Variants in COMMD6 observed in about 807,000 individuals in gnomAD.
COMMD6 encodes the protein COMM domain containing 6.
COMMD6 carries 11 observed loss-of-function variants against 13.4 expected under a neutral mutation model. The ratio of observed to expected loss-of-function variants is 0.82; its 90% CI spans 0.52 to 1.36. COMMD6 has a LOEUF of 1.36. Among genes scored for constraint, COMMD6 ranks in the 40% most tolerant of loss-of-function variants. The pLI, the probability that COMMD6 is intolerant of heterozygous loss-of-function variation, is 0.00. For missense variants in COMMD6, 124 were observed against 102.4 expected (o/e 1.21, Z -0.91); for synonymous variants, 43 against 36.5 (o/e 1.18, Z -0.64).
upstream of COMMD6, among the ~76,000 whole-genome samples, chr13:75,540,215 C>A (rs979968477): frequency 7.2e-5 from 11 of 151,916 alleles, no homozygotes; most frequent in Non-Finnish European, 1.3e-4. Flanking sequence ...AGGCAATCTG[C>A]CCGCCTCAGC....
upstream of COMMD6, among the ~76,000 whole-genome samples, chr13:75,539,969 CTTT>C (rs34796430): frequency 3.0e-4 from 34 of 113,756 alleles, no homozygotes; most frequent in East Asian, 2.7e-4. Context: ...GCAAGGAAAT[CTTT>C]TTTTTTTTTT....
chr13:75,547,368 T>C (rs1482097274), intron 1 of COMMD6, among the ~76,000 whole-genome samples: 1 of 152,138 alleles, frequency 6.6e-6, no homozygotes, highest in African/African-American at 2.4e-5. Flanking sequence ...ACTTTGTGAG[T>C]ATAGATTTGG....
At chr13:75,533,031 C>A (rs9543962) in intron 2 of COMMD6, among the ~76,000 whole-genome samples, 4 of 150,950 alleles carry the variant, frequency 2.6e-5, no homozygotes, top group Non-Finnish European at 5.9e-5. Context: ...CCCGGGTTCA[C>A]GCCATTCTCC....
chr13:75,540,164 T>C (rs1348986421), upstream of COMMD6, among the ~76,000 whole-genome samples: 2 of 151,718 alleles, frequency 1.3e-5, no homozygotes, highest in African/African-American at 4.8e-5. Context: ...AGAGATGGGG[T>C]TTCAACGTGT....
chr13:75,549,005 T>C (rs977501501), intron 1 of COMMD6, among the ~76,000 whole-genome samples: 4 of 152,170 alleles, frequency 2.6e-5, no homozygotes, highest in Admixed American at 2.6e-4. Flanking sequence ...CTACCATCTT[T>C]TAAGGGTTCA....
intron 1 of COMMD6, among the ~76,000 whole-genome samples, chr13:75,544,858 G>A (rs1404950572): frequency 4.7e-5 from 7 of 148,086 alleles, no homozygotes; most frequent in East Asian, 2.0e-4. Context: ...CCTGGGAGGC[G>A]GAGGTTGCCA....
chr13:75,533,280 A>G (rs1015336727), intron 2 of COMMD6, among the ~76,000 whole-genome samples: 1 of 151,640 alleles, frequency 6.6e-6, no homozygotes, highest in Non-Finnish European at 1.5e-5. Context: ...ATTAATGGAT[A>G]TTCAGGCTGG....
At chr13:75,537,451 T>A in intron 2 of COMMD6, 1 of 1,551,518 alleles carries the variant, frequency 6.4e-7, no homozygotes, top group Non-Finnish European at 8.7e-7. Context: ...TTCTTCGGGC[T>A]AGTGCAGGGT....
intron 1 of COMMD6, among the ~76,000 whole-genome samples, chr13:75,547,854 G>C (rs1466366595): frequency 2.0e-5 from 3 of 152,204 alleles, no homozygotes; most frequent in African/African-American, 7.2e-5. Context: ...AACCTACTGG[G>C]CCTCTTTGGC....
upstream of COMMD6, among the ~76,000 whole-genome samples, chr13:75,540,344 C>CACACACA (rs1593961926): frequency 3.3e-4 from 49 of 147,380 alleles, no homozygotes; most frequent in Admixed American, 5.4e-4. Context: ...ACACACACAC[C>CACACACA]CACACACACA....
At chr13:75,541,292 G>A (rs192598563), upstream of COMMD6, among the ~76,000 whole-genome samples, 10 of 152,294 alleles carry the variant, frequency 6.6e-5, no homozygotes, top group Non-Finnish European at 1.5e-4. Context: ...TGTAGTGGTA[G>A]CAGCTTCAGG....
upstream of COMMD6, among the ~76,000 whole-genome samples, chr13:75,543,362 A>C (rs1190478163): frequency 1.3e-5 from 2 of 152,218 alleles, no homozygotes; most frequent in African/African-American, 4.8e-5. Flanking sequence ...CTGGAATAGG[A>C]AAGAAAATGG....
intron 1 of COMMD6, among the ~76,000 whole-genome samples, chr13:75,549,019 C>G (rs2030969510): frequency 6.6e-6 from 1 of 152,122 alleles, no homozygotes; most frequent in Non-Finnish European, 1.5e-5. Context: ...GGGTTCAGTC[C>G]AGGAATCCAC....
At chr13:75,544,438 G>A (rs78137064) in intron 1 of COMMD6, among the ~76,000 whole-genome samples, 4,034 of 152,112 alleles carry the variant, frequency 0.027, 65 homozygotes, top group African/African-American at 0.033. Context: ...TTCAACCTTC[G>A]GCTTAAAGGT....
rs1401573524 is a variant in COMMD6 at position 75,528,200 on chromosome 13, G to C, written c.208-1561C>G. ...TTGTCAACTGTACCTCAATAAAGCT[G>C]GGGAAAAAAAGTTAATCCAATTGTG... On this transcript the variant is annotated intron_variant, in intron 3 of 3. Transcript: ENST00000682242. Among the ~76,000 whole-genome samples the C allele has an allele frequency of 3.3e-5, 5 of 151,636 alleles. No individual in the cohort carries two copies. In the South Asian group the frequency reaches 1.0e-3, roughly 32 times the overall value.
chr13:75,546,217 C>G (rs2030902881), intron 1 of COMMD6, among the ~76,000 whole-genome samples: 1 of 152,134 alleles, frequency 6.6e-6, no homozygotes. Context: ...CAAAAAGTTA[C>G]TGGGTATGGA....
At chr13:75,548,006 C>T (rs554731094) in intron 1 of COMMD6, among the ~76,000 whole-genome samples, 119 of 152,336 alleles carry the variant, frequency 7.8e-4, no homozygotes, top group African/African-American at 2.5e-3. Flanking sequence ...TCTTGCTGTC[C>T]GGCCTTGTGT....
chr13:75,529,153 G>A (rs1663674054), intron 3 of COMMD6, among the ~76,000 whole-genome samples: 2 of 152,078 alleles, frequency 1.3e-5, no homozygotes, highest in African/African-American at 4.8e-5. Context: ...CATACCAAAA[G>A]GAACAAACCA....
intron 2 of COMMD6, among the ~76,000 whole-genome samples, chr13:75,533,668 T>C (rs537979608): frequency 6.6e-6 from 1 of 151,908 alleles, no homozygotes; most frequent in South Asian, 2.1e-4. Context: ...CTGAACTAAG[T>C]TGGTGACAAG....
Sources: allele counts gnomAD v4.1 joint callset (sites outside exome capture counted in the v4.1 genomes callset), GRCh38; gene constraint gnomAD v4.1.1; transcripts MANE v1.5; gene names NCBI Gene and HGNC (gene_info 2026-07-23, HGNC 2026-07-21).